Variants in EIF2AK4 observed in about 807,000 individuals in gnomAD.
EIF2AK4 encodes eIF-2-alpha kinase GCN2.
In EIF2AK4, 139 loss-of-function variants were observed where a neutral mutation model predicts 211.1. That is an observed-to-expected ratio of 0.66 (90% confidence interval 0.57 to 0.76). EIF2AK4 has a LOEUF of 0.76. Ranked by LOEUF, EIF2AK4 falls within the 30% of genes least tolerant of loss-of-function variation. The pLI is 0.00. For missense variants in EIF2AK4, 1,664 were observed against 2,043.8 expected, an observed-to-expected ratio of 0.81 and a Z score of 3.58; for synonymous variants, 710 against 751.3, an observed-to-expected ratio of 0.94 and a Z score of 0.90.
At position 40,030,443 on chromosome 15, in the gene EIF2AK4, G is replaced by A. The variant is rs374571578; in HGVS notation, c.4646G>A (p.Arg1549His). 118 of 1,613,698 alleles carry A rather than the reference G, an allele frequency of 7.3e-5. No homozygotes were observed. Among genetic ancestry groups the A allele is most frequent in the African/African-American group, 1.9e-4 (14 of 74,888 alleles). The change falls in exon 35 of 39, where the codon CGC becomes CAC. Residue 1549 changes from arginine (R) to histidine (H), a missense_variant. Coordinates refer to ENST00000263791, the MANE Select transcript of EIF2AK4 (RefSeq NM_001013703.4). ...PEKLSASTRRRYETQVQTRLQ... is the reference protein window; with the variant it reads ...PEKLSASTRRHYETQVQTRLQ... ...AAGCTGTCAGCCAGCACTAGGAGGC[G>A]CTATGAAACTCAGGTACACTGGGTC...
chr15:40,027,027 C>G (rs1044461183), intron 33 of EIF2AK4, among the ~76,000 whole-genome samples: 6 of 152,050 alleles, frequency 3.9e-5, no homozygotes, highest in African/African-American at 1.4e-4. Flanking sequence ...TGAGTTATAT[C>G]TATAAATATT....
intron 7 of EIF2AK4, among the ~76,000 whole-genome samples, chr15:39,964,168 A>G (rs1237772367): frequency 6.6e-6 from 1 of 152,352 alleles, no homozygotes; most frequent in South Asian, 2.1e-4. Context: ...CTTGTCAGAT[A>G]AAAAGTCAAA....
intron 6 of EIF2AK4, among the ~76,000 whole-genome samples, chr15:39,958,130 C>T (rs2140907584): frequency 6.6e-6 from 1 of 152,282 alleles, no homozygotes; most frequent in East Asian, 1.9e-4. Flanking sequence ...CAGCGTGAGG[C>T]TGTATTTGTG....
At chr15:39,958,941 G>T (rs1020335363) in intron 6 of EIF2AK4, among the ~76,000 whole-genome samples, 1 of 150,488 alleles carries the variant, frequency 6.6e-6, no homozygotes, top group Non-Finnish European at 1.5e-5. Flanking sequence ...TCTTTTTTCA[G>T]GTATCAAGCT....
chr15:39,985,839 A>G lies in EIF2AK4; in HGVS notation c.2354A>G (p.Glu785Gly), dbSNP rs1433941895. 7 of 1,614,150 alleles carry G rather than the reference A, an allele frequency of 4.3e-6. No individual in the cohort carries two copies. The highest frequency in any genetic ancestry group is 1.7e-6 in the Non-Finnish European group (2 of 1,180,012). ...TGCAATGAAAAGAATGGCTGCCATG[A>G]AAGTGAGCCATCAGTGACGACTGAG... ...EDCNEKNGCHESEPSVTTEAV... is the reference protein window; with the variant it reads ...EDCNEKNGCHGSEPSVTTEAV... The change falls in exon 14 of 39, where the codon GAA becomes GGA. Residue 785 changes from glutamate (E) to glycine (G), a missense_variant. Coordinates refer to ENST00000263791, the MANE Select transcript of EIF2AK4 (RefSeq NM_001013703.4).
At chr15:39,981,182 C>T (rs2034777499) in intron 13 of EIF2AK4, among the ~76,000 whole-genome samples, 1 of 152,040 alleles carries the variant, frequency 6.6e-6, no homozygotes, top group Non-Finnish European at 1.5e-5. Context: ...CCAGCCTGGC[C>T]AACATGGTGA....
At chr15:39,974,984 A>G (rs2034674333) in intron 11 of EIF2AK4, 1 of 152,228 alleles carries the variant, frequency 6.6e-6, no homozygotes, top group Non-Finnish European at 1.5e-5. Context: ...CAGTTCGTAT[A>G]TGATGTGTAC....
At chr15:39,958,436 C>G (rs1329236401) in intron 6 of EIF2AK4, among the ~76,000 whole-genome samples, 1 of 152,088 alleles carries the variant, frequency 6.6e-6, no homozygotes. Flanking sequence ...GGCTCCTCAC[C>G]CTTACAGAGA....
At chr15:39,992,265 T>TA in intron 17 of EIF2AK4, 36 bp downstream of exon 17, 1 of 1,547,342 alleles carries the variant, frequency 6.5e-7, no homozygotes, top group Non-Finnish European at 8.8e-7. Flanking sequence ...ATCCATGTGT[T>TA]AAAGACCCCA....
chr15:39,956,196 G>T (rs1285524449), intron 6 of EIF2AK4, among the ~76,000 whole-genome samples: 1 of 151,668 alleles, frequency 6.6e-6, no homozygotes, highest in Non-Finnish European at 1.5e-5. Flanking sequence ...AGTAGAGTTG[G>T]GGTTTCACTG....
At position 40,017,775 on chromosome 15, in the gene EIF2AK4, G is replaced by A. The variant is rs139310290; in HGVS notation, c.4065+533G>A. Among the ~76,000 whole-genome samples, 685 of 151,606 alleles carry A rather than the reference G, an allele frequency of 4.5e-3. 5 individuals carry two copies. The highest frequency in any genetic ancestry group is 0.017 in the Admixed American group (253 of 15,204). ...TTGCCCAGGCTGGTCTCAAACTCCT[G>A]AGCTCAAGCAATCCACCCACCTCAG... On this transcript the variant is annotated intron_variant, in intron 29 of 38. Transcript: ENST00000263791.
At chr15:40,016,404 T>G in intron 27 of EIF2AK4, 98 bp from the exon 28 acceptor site, 2 of 1,377,294 alleles carry the variant, frequency 1.5e-6, no homozygotes, top group Admixed American at 4.2e-5. Context: ...AATCGTAGCA[T>G]CCCATGTGCT....
intron 8 of EIF2AK4, 48 bp downstream of exon 8, chr15:39,965,891 T>G (rs1476558826): frequency 6.2e-7 from 1 of 1,604,166 alleles, no homozygotes; most frequent in Admixed American, 1.7e-5. Context: ...ATCTCAGGCT[T>G]TAGGAGATGA....
At position 40,030,414 on chromosome 15, in the gene EIF2AK4, G is replaced by A. The variant is rs199783641; in HGVS notation, c.4617G>A (p.Pro1539=). ...TVVPIVSVLA[P]EKLSASTRRR... is the part of the protein sequence containing the mutation. ...TTCCCATTGTGAGTGTGCTAGCCCC[G>A]GAGAAGCTGTCAGCCAGCACTAGGA... Residue 1539 remains proline, a synonymous_variant, in exon 35 of 39, where the codon CCG becomes CCA. Coordinates refer to ENST00000263791, the MANE Select transcript of EIF2AK4 (RefSeq NM_001013703.4). 6.5e-5 allele frequency: 105 copies of A among 1,614,064 alleles called. No homozygotes were observed. The highest frequency in any genetic ancestry group is 3.3e-4 in the Middle Eastern group (2 of 6,056).
intron 9 of EIF2AK4, among the ~76,000 whole-genome samples, chr15:39,970,637 C>CA (rs998604048): frequency 6.6e-6 from 1 of 151,878 alleles, no homozygotes; most frequent in African/African-American, 2.4e-5. Flanking sequence ...TTAAAAAAAT[C>CA]AAAAAACAAT....
intron 33 of EIF2AK4, 67 bp downstream of exon 33, chr15:40,026,156 T>C (rs2035463265): frequency 6.3e-6 from 9 of 1,429,364 alleles, no homozygotes; most frequent in Non-Finnish European, 8.7e-6. Context: ...CGTAAATTTA[T>C]TTTAAAAGTC....
At chr15:39,988,874 A>G (rs1410135421) in intron 15 of EIF2AK4, among the ~76,000 whole-genome samples, 1 of 152,112 alleles carries the variant, frequency 6.6e-6, no homozygotes, top group African/African-American at 2.4e-5. Context: ...CGTGGTGCAC[A>G]CTTGTAATCC....
At chr15:39,990,463 G>T (rs552171413) in intron 16 of EIF2AK4, 86 bp downstream of exon 16, 23 of 1,140,778 alleles carry the variant, frequency 2.0e-5, no homozygotes, top group Non-Finnish European at 2.9e-5. Flanking sequence ...AGAATAGTGC[G>T]TTCACAGAAC....
At position 40,001,204 on chromosome 15, in the gene EIF2AK4, T is replaced by A. The variant is rs1418441242; in HGVS notation, c.3139T>A (p.Tyr1047Asn). ...QRISPAIDYT[Y>N]DSDILKGNFS... ...CATCTCCCCTGCCATCGATTACACC[T>A]ATGACAGCGACATACTGAAGGTGGG... is the stretch of plus-strand genomic sequence containing the variant. The change falls in exon 21 of 39, where the codon TAT becomes AAT. Residue 1047 changes from tyrosine to asparagine, a missense_variant. Physicochemically the swap from Tyr to Asn is moderately radical, Grantham distance 143. Coordinates refer to ENST00000263791, the MANE Select transcript of EIF2AK4 (RefSeq NM_001013703.4). The A allele has an allele frequency of 6.2e-7, 1 of 1,613,382 alleles. No individual in the cohort carries two copies. Among genetic ancestry groups the A allele is most frequent in the Non-Finnish European group, 8.5e-7 (1 of 1,179,958 alleles).
Sources: allele counts gnomAD v4.1 joint callset (sites outside exome capture counted in the v4.1 genomes callset), GRCh38; gene constraint gnomAD v4.1.1; transcripts MANE v1.5; gene names NCBI Gene and HGNC (gene_info 2026-07-23, HGNC 2026-07-21).